ITPR1: variants seen among roughly 807,000 people sequenced by gnomAD.
The protein encoded by ITPR1 is inositol 1,4,5-trisphosphate receptor type 1.
ITPR1 carries 96 observed loss-of-function variants against 318.4 expected under a neutral mutation model. The ratio of observed to expected loss-of-function variants is 0.30; its 90% CI spans 0.26 to 0.36. The LOEUF is 0.36. ITPR1 is among the 10% of genes least tolerant of loss of function. The pLI is 1.00. For missense variants in ITPR1, 2,440 were observed against 3,460.2 expected (o/e 0.71, Z 7.40); for synonymous variants, 1,312 against 1,289.9 (o/e 1.02, Z -0.37).
At chr3:4,586,197 T>C (rs1175273648) in intron 4 of ITPR1, among the ~76,000 whole-genome samples, 2 of 152,308 alleles carry the variant, frequency 1.3e-5, no homozygotes, top group South Asian at 4.1e-4. Context: ...TTCCAAGTCT[T>C]TGCTATTGTG....
chr3:4,771,823 C>T (rs2046206982), intron 46 of ITPR1, among the ~76,000 whole-genome samples: 1 of 151,884 alleles, frequency 6.6e-6, no homozygotes, highest in South Asian at 2.1e-4. Flanking sequence ...AACTTTTTGG[C>T]TTGGGGGAGC....
chr3:4,799,828 C>G (rs1156931547), intron 53 of ITPR1: 1 of 152,272 alleles, frequency 6.6e-6, no homozygotes. Flanking sequence ...ACGGAAGTTG[C>G]CTTTCTCCTT....
chr3:4,812,003 G>A (rs1051584015), intron 56 of ITPR1, among the ~76,000 whole-genome samples: 12 of 151,600 alleles, frequency 7.9e-5, no homozygotes, highest in African/African-American at 2.9e-4. Flanking sequence ...AGTTGGAAAT[G>A]GCAGAAGGAT....
rs976324252 is a variant in ITPR1 at position 4,846,326 on chromosome 3, A to G, written c.*101A>G. 3 of 724,770 alleles carry G rather than the reference A, an allele frequency of 4.1e-6. No individual in the cohort carries two copies. The highest frequency in any genetic ancestry group is 7.0e-6 in the Non-Finnish European group (3 of 427,230). The allele number at this position is 724,770 out of a possible 1,614,324, so 44.9% of individuals were successfully genotyped here. A position where few individuals can be genotyped will look rare whatever the true frequency, so the allele number is the denominator to read the frequency against. On this transcript the variant is annotated 3_prime_UTR_variant, in exon 62 of 62. Transcript: ENST00000649015. Reference sequence around the variant, plus strand: ...ACCCACGAAGGTTACATTTATGCTGAATACATTTGTAAATACTCAGTTTTA... The same window carrying G: ...ACCCACGAAGGTTACATTTATGCTGGATACATTTGTAAATACTCAGTTTTA...
chr3:4,556,988 C>T (rs2086194518), intron 4 of ITPR1, among the ~76,000 whole-genome samples: 1 of 152,144 alleles, frequency 6.6e-6, no homozygotes, highest in African/African-American at 2.4e-5. Context: ...AACACCTAGT[C>T]AGATGGCAAC....
At chr3:4,698,364 G>A (rs1202334298) in intron 34 of ITPR1, among the ~76,000 whole-genome samples, 2 of 152,002 alleles carry the variant, frequency 1.3e-5, no homozygotes, top group African/African-American at 4.8e-5. Context: ...GTCAGGTGTT[G>A]GTTTCACAGA....
chr3:4,657,359 T>C (rs1031740428), intron 12 of ITPR1, among the ~76,000 whole-genome samples: 17 of 150,736 alleles, frequency 1.1e-4, no homozygotes, highest in Non-Finnish European at 1.9e-4. Flanking sequence ...CCCTCTCCCC[T>C]AGCTCCTGCG....
At chr3:4,572,480 TTAAG>T (rs1575575657) in intron 4 of ITPR1, among the ~76,000 whole-genome samples, 2 of 152,206 alleles carry the variant, frequency 1.3e-5, no homozygotes, top group South Asian at 2.1e-4. Context: ...GTGACACTGA[TTAAG>T]TAAACTAGAT....
chr3:4,756,739 G>GT (rs1210934568), intron 44 of ITPR1, among the ~76,000 whole-genome samples: 1 of 152,102 alleles, frequency 6.6e-6, no homozygotes, highest in Non-Finnish European at 1.5e-5. Context: ...CATTCATTGT[G>GT]TTTTTGCTGT....
intron 44 of ITPR1, among the ~76,000 whole-genome samples, chr3:4,760,313 C>A (rs776883164): frequency 6.6e-6 from 1 of 152,234 alleles, no homozygotes; most frequent in South Asian, 2.1e-4. Context: ...GTCGGCCTGG[C>A]GGGGGCAGAT....
At chr3:4,586,271 G>T (rs977078858) in intron 4 of ITPR1, among the ~76,000 whole-genome samples, 1 of 152,156 alleles carries the variant, frequency 6.6e-6, no homozygotes, top group Non-Finnish European at 1.5e-5. Flanking sequence ...CACCTGTTCT[G>T]TTCTGAAAGC....
chr3:4,564,133 G>T (rs1265706217), intron 4 of ITPR1, among the ~76,000 whole-genome samples: 4 of 152,192 alleles, frequency 2.6e-5, no homozygotes, highest in Middle Eastern at 3.4e-3. Context: ...TAGAGACGGG[G>T]TTTCACCATG....
At chr3:4,571,541 C>G (rs928032862) in intron 4 of ITPR1, among the ~76,000 whole-genome samples, 1 of 152,010 alleles carries the variant, frequency 6.6e-6, no homozygotes, top group African/African-American at 2.4e-5. Context: ...GCTACATTGC[C>G]CAGGCTGGTC....
chr3:4,650,645 G>GTGTGTGTGTGTGTGTGTGTGTGCA (rs1491220486), intron 10 of ITPR1, among the ~76,000 whole-genome samples: 1 of 51,744 alleles, frequency 1.9e-5, no homozygotes, highest in Non-Finnish European at 4.5e-5. Context: ...GTGTGTGTGT[G>GTGTGTGTGTGTGTGTGTGTGTGCA]CGCGCGTCTG....
At chr3:4,610,063 T>G (rs2091981446) in intron 4 of ITPR1, among the ~76,000 whole-genome samples, 1 of 152,256 alleles carries the variant, frequency 6.6e-6, no homozygotes, top group African/African-American at 2.4e-5. Flanking sequence ...CACAGAAAAT[T>G]CATTCTAGGG....
At chr3:4,535,800 C>T (rs2083822860) in intron 4 of ITPR1, among the ~76,000 whole-genome samples, 1 of 152,092 alleles carries the variant, frequency 6.6e-6, no homozygotes, top group African/African-American at 2.4e-5. Flanking sequence ...AATTTCTAGA[C>T]TCTTGTTCCT....
intron 54 of ITPR1, among the ~76,000 whole-genome samples, chr3:4,801,533 G>T (rs2048231436): frequency 6.6e-6 from 1 of 152,142 alleles, no homozygotes; most frequent in Non-Finnish European, 1.5e-5. Flanking sequence ...GGAGGCCAGG[G>T]TGAGCAGATC....
chr3:4,788,213 C>A, intron 52 of ITPR1, 74 bp downstream of exon 52: 1 of 1,173,328 alleles, frequency 8.5e-7, no homozygotes. Flanking sequence ...CTTGATGGTG[C>A]GTTCATTTCC....
At chr3:4,594,105 A>G (rs768803489) in intron 4 of ITPR1, among the ~76,000 whole-genome samples, 1 of 152,120 alleles carries the variant, frequency 6.6e-6, no homozygotes, top group Non-Finnish European at 1.5e-5. Context: ...GGGCTTGTTC[A>G]TTGGCTTGGG....
Sources: gnomAD v4.1 joint callset for allele counts (sites outside exome capture counted in the v4.1 genomes callset) on GRCh38, gnomAD v4.1.1 for gene constraint, MANE v1.5 for transcripts, NCBI Gene and HGNC (gene_info 2026-07-23, HGNC 2026-07-21) for gene names.